CNTNAP2: variants seen among roughly 807,000 people sequenced by gnomAD.
CNTNAP2 encodes the protein contactin associated protein 2.
CNTNAP2 carries 98 observed loss-of-function variants against 155.2 expected under a neutral mutation model. The observed-to-expected ratio is 0.63, with a 90% CI of 0.54 to 0.75. CNTNAP2 has a LOEUF of 0.75. Ranked by LOEUF, CNTNAP2 falls within the 30% of genes least tolerant of loss-of-function variation. The pLI, the probability that CNTNAP2 is intolerant of heterozygous loss-of-function variation, is 0.00. For missense variants in CNTNAP2, 1,727 were observed against 1,688.1 expected, an observed-to-expected ratio of 1.02 and a Z score of -0.40; for synonymous variants, 651 against 631.2, an observed-to-expected ratio of 1.03 and a Z score of -0.47.
chr7:147,272,421 G>A (rs1235383922), intron 8 of CNTNAP2, among the ~76,000 whole-genome samples: 1 of 152,164 alleles, frequency 6.6e-6, no homozygotes, highest in East Asian at 1.9e-4. Flanking sequence ...ACCTGTCTTT[G>A]ATGGGTAGAA....
Position 148,049,709 on chromosome 7 carries a change from C to A in CNTNAP2, c.2384-68409C>A, listed in dbSNP as rs192192846. Among the ~76,000 whole-genome samples, 111 of 152,272 alleles carry A rather than the reference C, an allele frequency of 7.3e-4. 1 individual carries two copies. The highest frequency in any genetic ancestry group is 1.7e-3 in the South Asian group (8 of 4,812). ...TGTGATGACACTGGTGTAAACAAAC[C>A]TACTGCACTGCCAGGCATATAGAAG... On this transcript the variant is annotated intron_variant, in intron 15 of 23. Transcript: ENST00000361727.
At chr7:148,275,175 A>G (rs1368036394) in intron 21 of CNTNAP2, among the ~76,000 whole-genome samples, 1 of 152,246 alleles carries the variant, frequency 6.6e-6, no homozygotes, top group African/African-American at 2.4e-5. Flanking sequence ...ATAGGGGATC[A>G]TACAATGTAT....
At chr7:147,092,645 G>A (rs1481770763) in intron 4 of CNTNAP2, among the ~76,000 whole-genome samples, 2 of 152,084 alleles carry the variant, frequency 1.3e-5, no homozygotes, top group African/African-American at 4.8e-5. Context: ...GGAAAAGTAG[G>A]CAATCATCAA....
intron 1 of CNTNAP2, among the ~76,000 whole-genome samples, chr7:146,654,904 G>A (rs1799970747): frequency 6.6e-6 from 1 of 151,900 alleles, no homozygotes; most frequent in Non-Finnish European, 1.5e-5. Context: ...TATTTTAATT[G>A]GAAAATTAAG....
chr7:147,022,145 A>G lies in CNTNAP2; in HGVS notation c.403-21762A>G, dbSNP rs187993902. Among the ~76,000 whole-genome samples, 428 of 152,228 alleles carry G rather than the reference A, an allele frequency of 2.8e-3. 3 individuals are homozygous for G. Among genetic ancestry groups the G allele is most frequent in the Non-Finnish European group, 4.9e-3 (330 of 68,022 alleles). The stretch of plus-strand genomic sequence containing the variant: ...ATTGTTGACCAGAATTACAAACAGT[A>G]TCTCATAGAAACACTGATTTCTACA... On this transcript the variant is annotated intron_variant, in intron 3 of 23. Transcript: ENST00000361727.
At chr7:147,667,191 G>C (rs112814187) in intron 13 of CNTNAP2, among the ~76,000 whole-genome samples, 1,701 of 152,330 alleles carry the variant, frequency 0.011, 28 homozygotes, top group African/African-American at 0.038. Context: ...AAGTGCTGAT[G>C]TGAAGACAGC....
At chr7:148,304,560 A>G (rs889492593) in intron 21 of CNTNAP2, among the ~76,000 whole-genome samples, 1 of 152,194 alleles carries the variant, frequency 6.6e-6, no homozygotes, top group East Asian at 1.9e-4. Context: ...TCTCTGTTGC[A>G]GTTACTCACC....
intron 21 of CNTNAP2, among the ~76,000 whole-genome samples, chr7:148,357,277 G>T (rs1798535048): frequency 6.6e-6 from 1 of 152,166 alleles, no homozygotes; most frequent in African/African-American, 2.4e-5. Context: ...CATGTAAGAT[G>T]TGATTTTGTT....
In CNTNAP2 at chr7:147,922,247, C is replaced by T. The variant is rs1465483772; in HGVS notation, c.2255+18526C>T. On this transcript the variant is annotated intron_variant, in intron 14 of 23. Transcript: ENST00000361727. ...TCACAATATAAAACAGCCAATCTTT[C>T]TTGTTAAGAGCAGCCCTCACATTTC... Among the ~76,000 whole-genome samples the T allele has an allele frequency of 4.6e-5, 7 of 152,182 alleles. No individual in the cohort carries two copies. The East Asian group carries it at 1.3e-3, about 29-fold the overall frequency.
chr7:146,732,082 A>T (rs574071170), intron 1 of CNTNAP2, among the ~76,000 whole-genome samples: 65 of 152,226 alleles, frequency 4.3e-4, no homozygotes, highest in African/African-American at 1.5e-3. Flanking sequence ...AGTGGCCAAG[A>T]TTCACCAATA....
chr7:146,496,576 G>T (rs1797217908), intron 1 of CNTNAP2, among the ~76,000 whole-genome samples: 2 of 152,150 alleles, frequency 1.3e-5, no homozygotes, highest in Non-Finnish European at 2.9e-5. Context: ...TGATCTTCTA[G>T]AAGGGTTTTG....
intron 13 of CNTNAP2, among the ~76,000 whole-genome samples, chr7:147,697,750 G>T (rs932253590): frequency 2.6e-5 from 4 of 152,196 alleles, no homozygotes; most frequent in Non-Finnish European, 4.4e-5. Flanking sequence ...AACCTCAGAA[G>T]ATTCAGCTCT....
intron 3 of CNTNAP2, among the ~76,000 whole-genome samples, chr7:146,993,431 C>T (rs950251233): frequency 3.3e-5 from 5 of 152,166 alleles, no homozygotes; most frequent in Non-Finnish European, 7.4e-5. Flanking sequence ...CTTCTTAAAG[C>T]TCATGCTTGA....
chr7:147,262,157 G>A (rs1045881714), intron 8 of CNTNAP2, among the ~76,000 whole-genome samples: 2 of 152,182 alleles, frequency 1.3e-5, no homozygotes, highest in Non-Finnish European at 1.5e-5. Flanking sequence ...AAAAGTTCAA[G>A]AAGGGCAGTG....
intron 11 of CNTNAP2, among the ~76,000 whole-genome samples, chr7:147,541,381 A>T (rs1306320779): frequency 6.6e-6 from 1 of 152,214 alleles, no homozygotes; most frequent in Non-Finnish European, 1.5e-5. Context: ...GATTACTGTG[A>T]CAAACAGAAG....
intron 13 of CNTNAP2, among the ~76,000 whole-genome samples, chr7:147,852,528 A>G (rs1196190025): frequency 3.3e-5 from 5 of 152,200 alleles, no homozygotes; most frequent in Non-Finnish European, 7.4e-5. Context: ...AAAATAAAAA[A>G]ATTAACACTC....
intron 3 of CNTNAP2, among the ~76,000 whole-genome samples, chr7:147,037,390 C>T (rs1484805489): frequency 1.3e-5 from 2 of 149,312 alleles, no homozygotes; most frequent in Non-Finnish European, 3.0e-5. Context: ...AGTGGAAGAA[C>T]TTGTTACTTT....
chr7:147,454,162 G>A (rs1348026001), intron 10 of CNTNAP2, among the ~76,000 whole-genome samples: 5 of 152,154 alleles, frequency 3.3e-5, no homozygotes, highest in African/African-American at 7.2e-5. Flanking sequence ...AGTAAGCACT[G>A]ACTCTCTGTT....
At chr7:146,505,901 G>T (rs1463256165) in intron 1 of CNTNAP2, among the ~76,000 whole-genome samples, 2 of 152,176 alleles carry the variant, frequency 1.3e-5, no homozygotes, top group Non-Finnish European at 2.9e-5. Context: ...GGAGCACCAG[G>T]TCCAACCTTG....
Sources: allele counts gnomAD v4.1 joint callset (sites outside exome capture counted in the v4.1 genomes callset), GRCh38; gene constraint gnomAD v4.1.1; transcripts MANE v1.5; gene names NCBI Gene and HGNC (gene_info 2026-07-23, HGNC 2026-07-21).